The following FSTL5 variants were observed in gnomAD, a reference collection of about 807,000 sequenced individuals.
FSTL5 encodes follistatin-related protein 5.
In FSTL5, 62 loss-of-function variants were observed where a neutral mutation model predicts 89.1. That is an observed-to-expected ratio of 0.70 (90% CI 0.57 to 0.86). The LOEUF (loss-of-function observed/expected upper bound fraction) is 0.86. Among genes scored for constraint, FSTL5 ranks in the 40% least tolerant of loss-of-function variants. FSTL5 has a pLI of 0.00. For missense variants in FSTL5, 1,057 were observed against 1,001.6 expected (o/e 1.06, Z -0.75); for synonymous variants, 383 against 346.2 (o/e 1.11, Z -1.18).
chr4:161,521,528 G>A (rs184197708), intron 10 of FSTL5, among the ~76,000 whole-genome samples: 73 of 152,104 alleles, frequency 4.8e-4, no homozygotes, highest in African/African-American at 1.7e-3. Flanking sequence ...GCATAGAAAA[G>A]TAACATCAAT....
chr4:161,549,722 C>T (rs1041473671), intron 8 of FSTL5, among the ~76,000 whole-genome samples: 1 of 151,908 alleles, frequency 6.6e-6, no homozygotes, highest in African/African-American at 2.4e-5. Context: ...GGACCATTTG[C>T]TCTCCGGTTA....
At chr4:161,807,775 A>C (rs1161729558) in intron 4 of FSTL5, among the ~76,000 whole-genome samples, 1 of 152,206 alleles carries the variant, frequency 6.6e-6, no homozygotes, top group African/African-American at 2.4e-5. Flanking sequence ...TGCAATAAAG[A>C]AGACAGATAT....
intron 4 of FSTL5, among the ~76,000 whole-genome samples, chr4:161,911,840 A>G (rs548558211): frequency 1.3e-5 from 2 of 152,188 alleles, no homozygotes; most frequent in South Asian, 2.1e-4. Context: ...TTTTTTCGTC[A>G]TTCTGGAAAG....
At chr4:161,422,310 A>G (rs1259186636) in intron 15 of FSTL5, among the ~76,000 whole-genome samples, 1 of 152,132 alleles carries the variant, frequency 6.6e-6, no homozygotes, top group Non-Finnish European at 1.5e-5. Flanking sequence ...GCACAAAATA[A>G]TGTGTGTGTC....
intron 4 of FSTL5, among the ~76,000 whole-genome samples, chr4:161,818,852 T>C (rs1252077603): frequency 6.6e-6 from 1 of 152,164 alleles, no homozygotes; most frequent in African/African-American, 2.4e-5. Context: ...CTTTTAAAAG[T>C]GTTTTTGCAT....
chr4:162,153,814 T>C (rs950314012), intron 1 of FSTL5, among the ~76,000 whole-genome samples: 1 of 147,070 alleles, frequency 6.8e-6, no homozygotes, highest in Non-Finnish European at 1.5e-5. Context: ...TATATATTTA[T>C]ATTTATTTTA....
intron 4 of FSTL5, among the ~76,000 whole-genome samples, chr4:161,918,084 T>C (rs1036702): frequency 0.84 from 127,734 of 152,062 alleles, 54,087 homozygotes; most frequent in Non-Finnish European, 0.89. Context: ...GCAAGTAATA[T>C]AACTTGCTGA....
At chr4:161,999,726 A>G (rs1190137716) in intron 3 of FSTL5, among the ~76,000 whole-genome samples, 1 of 152,226 alleles carries the variant, frequency 6.6e-6, no homozygotes, top group African/African-American at 2.4e-5. Flanking sequence ...TCTTAATTTT[A>G]GAAATGAAAA....
At chr4:161,626,081 C>A (rs958800373) in intron 7 of FSTL5, among the ~76,000 whole-genome samples, 2 of 152,028 alleles carry the variant, frequency 1.3e-5, no homozygotes. Context: ...CATGGTGACA[C>A]GAATGCTGAT....
chr4:161,405,976 T>TC (rs1731360738), intron 15 of FSTL5, among the ~76,000 whole-genome samples: 1 of 152,142 alleles, frequency 6.6e-6, no homozygotes, highest in Admixed American at 6.5e-5. Flanking sequence ...ATTCTCAGAT[T>TC]TTAAGAATCT....
intron 15 of FSTL5, among the ~76,000 whole-genome samples, chr4:161,418,943 TAA>T (rs1439847712): frequency 6.6e-6 from 1 of 152,232 alleles, no homozygotes; most frequent in Non-Finnish European, 1.5e-5. Flanking sequence ...CCTTGAGATA[TAA>T]GTCTTCGGTT....
chr4:161,574,486 T>C (rs949891856), intron 8 of FSTL5, among the ~76,000 whole-genome samples: 4 of 152,002 alleles, frequency 2.6e-5, no homozygotes, highest in African/African-American at 9.7e-5. Flanking sequence ...ATGCATTAGG[T>C]ATTTGTCCTA....
At chr4:161,681,510 G>A (rs1026219709) in intron 6 of FSTL5, among the ~76,000 whole-genome samples, 8 of 152,130 alleles carry the variant, frequency 5.3e-5, no homozygotes, top group African/African-American at 1.7e-4. Flanking sequence ...GGCAGTGCAA[G>A]GGATACTCCA....
At chr4:162,082,914 G>A (rs192809725) in intron 2 of FSTL5, among the ~76,000 whole-genome samples, 5 of 150,778 alleles carry the variant, frequency 3.3e-5, no homozygotes, top group African/African-American at 4.9e-5. Flanking sequence ...AACTAATCAC[G>A]GAATAAATGC....
intron 4 of FSTL5, among the ~76,000 whole-genome samples, chr4:161,802,755 C>A (rs996711370): frequency 1.5e-4 from 22 of 151,430 alleles, no homozygotes; most frequent in South Asian, 1.0e-3. Flanking sequence ...ATGTGGATAA[C>A]AAGATTGAAA....
At chr4:161,903,774 T>C (rs1173023997) in intron 4 of FSTL5, among the ~76,000 whole-genome samples, 1 of 27,608 alleles carries the variant, frequency 3.6e-5, no homozygotes, top group Non-Finnish European at 1.1e-4. Context: ...ACATTTAGTG[T>C]TTTTTTTTTC....
intron 3 of FSTL5, among the ~76,000 whole-genome samples, chr4:161,945,037 G>A (rs759726026): frequency 6.6e-6 from 1 of 152,114 alleles, no homozygotes; most frequent in African/African-American, 2.4e-5. Context: ...GATTCATACA[G>A]TAAGTGTTTT....
At chr4:162,068,535 T>C (rs929131219) in intron 2 of FSTL5, among the ~76,000 whole-genome samples, 4 of 152,080 alleles carry the variant, frequency 2.6e-5, no homozygotes, top group African/African-American at 9.7e-5. Context: ...TCTTACATTA[T>C]ATACAAAAAT....
intron 6 of FSTL5, among the ~76,000 whole-genome samples, chr4:161,727,877 G>A (rs531776452): frequency 2.3e-4 from 35 of 152,282 alleles, no homozygotes; most frequent in Middle Eastern, 3.4e-3. Flanking sequence ...GGGTGTTCAA[G>A]AGTGGCTTTC....
Sources: allele counts gnomAD v4.1 joint callset (sites outside exome capture counted in the v4.1 genomes callset), GRCh38; gene constraint gnomAD v4.1.1; transcripts MANE v1.5; gene names NCBI Gene and HGNC (gene_info 2026-07-23, HGNC 2026-07-21).